Variants in ABCC6 observed in about 807,000 individuals in gnomAD.
The protein encoded by ABCC6 is ATP binding cassette subfamily C member 6, also known as ATP-binding cassette sub-family C member 6.
Under a neutral mutation model 169.5 loss-of-function variants are expected in ABCC6, and 126 were observed. That is an observed-to-expected ratio of 0.74 (90% CI 0.64 to 0.86). The LOEUF is 0.86. ABCC6 is among the 40% of genes least tolerant of loss of function. The pLI, the probability that ABCC6 is intolerant of heterozygous loss-of-function variation, is 0.00. For synonymous variants in ABCC6, 752 were observed against 814.7 expected, an observed-to-expected ratio of 0.92 and a Z score of 1.31; for missense variants, 1,733 against 1,927.2, an observed-to-expected ratio of 0.90 and a Z score of 1.89.
chr16:16,189,994 T>C (rs2047791324), intron 12 of ABCC6, among the ~76,000 whole-genome samples, 170 bp downstream of exon 12: 1 of 151,990 alleles, frequency 6.6e-6, no homozygotes, highest in Admixed American at 6.6e-5. Flanking sequence ...ATAATATGAT[T>C]AATTAGTTCT....
At chr16:16,159,669 G>T in intron 25 of ABCC6, 86 bp from the exon 26 acceptor site, 5 of 1,246,928 alleles carry the variant, frequency 4.0e-6, no homozygotes, top group Non-Finnish European at 4.6e-6. Flanking sequence ...ACCTTTTCTG[G>T]GAGGCCAGAC....
intron 29 of ABCC6, among the ~76,000 whole-genome samples, chr16:16,153,836 G>A (rs1378941977): frequency 6.6e-6 from 1 of 151,152 alleles, no homozygotes; most frequent in African/African-American, 2.4e-5. Context: ...CCTGGGAGGT[G>A]GAGGTTGCAG....
In ABCC6 at chr16:16,214,445, A is replaced by T. The variant is rs2048775492; in HGVS notation, c.479T>A (p.Phe160Tyr). 1 of 1,551,710 alleles carries T rather than the reference A, an allele frequency of 6.4e-7. No homozygotes were observed. Residue 160 changes from phenylalanine to tyrosine, a missense_variant, in exon 5 of 31, where the codon TTC (phenylalanine) becomes TAC (tyrosine). By Grantham distance (22) the Phe-to-Tyr change is conservative. Coordinates refer to ENST00000205557, the MANE Select transcript of ABCC6 (RefSeq NM_001171.6). ...CAGGTGGCGGACAGGGTCGCTCTGG[A>T]AGCCCTGTGGGAGGGAAAGCAGAAG... Reference protein sequence around the residue: ...NAAQQASGAGFQSDPVRHLST... With the variant: ...NAAQQASGAGYQSDPVRHLST...
chr16:16,197,370 A>G (rs542608202), intron 10 of ABCC6, among the ~76,000 whole-genome samples: 1 of 152,114 alleles, frequency 6.6e-6, no homozygotes, highest in East Asian at 1.9e-4. Flanking sequence ...TTCCCATCGT[A>G]TCAGACAATA....
intron 10 of ABCC6, among the ~76,000 whole-genome samples, chr16:16,196,717 T>C (rs950260715): frequency 2.0e-4 from 30 of 152,210 alleles, no homozygotes; most frequent in African/African-American, 7.2e-4. Context: ...TATTTATTTG[T>C]TGGAGACAGA....
At chr16:16,169,597 C>T (rs1274121101) in intron 22 of ABCC6, 49 bp downstream of exon 22, 1 of 1,599,958 alleles carries the variant, frequency 6.3e-7, no homozygotes, top group Non-Finnish European at 8.5e-7. Flanking sequence ...CCTGAGCACC[C>T]CTTGGTGCAG....
In ABCC6 at chr16:16,157,621, G is replaced by A. The variant is rs780710426; in HGVS notation, c.3882+42C>T. The A allele has an allele frequency of 3.7e-6, 6 of 1,613,196 alleles. No individual in the cohort carries two copies. In the East Asian group the frequency reaches 1.3e-4, roughly 36 times the overall value. Reference sequence around the variant, plus strand: ...AGGGCCTTGTCCCTGGAGTCCTTTGGCCTAAACTCCATGAAGAAGACATTG... The same window carrying A: ...AGGGCCTTGTCCCTGGAGTCCTTTGACCTAAACTCCATGAAGAAGACATTG... On this transcript the variant is annotated intron_variant, in intron 27 of 30. Coordinates refer to ENST00000205557, the MANE Select transcript of ABCC6 (RefSeq NM_001171.6).
chr16:16,173,770 C>T lies in ABCC6; in HGVS notation c.2667-366G>A, dbSNP rs997814550. Among the ~76,000 whole-genome samples the T allele has an allele frequency of 1.1e-4, 17 of 151,464 alleles. 2 individuals carry two copies. The highest frequency in any genetic ancestry group is 4.1e-4 in the African/African-American group (17 of 41,240). On this transcript the variant is annotated intron_variant, in intron 20 of 30. Coordinates refer to ENST00000205557, the MANE Select transcript of ABCC6 (RefSeq NM_001171.6). ...TCTCAAACTCCTGAGCTCAAGCAAT[C>T]CACCTGCCTCAGCCTCCCAAAGTGC... is the stretch of plus-strand genomic sequence containing the variant.
At chr16:16,205,107 A>T (rs1360099606) in intron 7 of ABCC6, among the ~76,000 whole-genome samples, 1 of 152,050 alleles carries the variant, frequency 6.6e-6, no homozygotes, top group Non-Finnish European at 1.5e-5. Flanking sequence ...AAGTGCTGGG[A>T]TTACAGGTGT....
At chr16:16,171,963 G>GGTGGGTGGGATGGATAAATGA (rs1236247960) in intron 21 of ABCC6, among the ~76,000 whole-genome samples, 1,434 of 127,484 alleles carry the variant, frequency 0.011, 38 homozygotes, top group East Asian at 0.038. Context: ...TGAGTGGTTG[G>GGTGGGTGGGATGGATAAATGA]GTGGGTGGGA....
chr16:16,222,264 C>A (rs567431114), intron 1 of ABCC6, among the ~76,000 whole-genome samples: 1 of 152,310 alleles, frequency 6.6e-6, no homozygotes, highest in African/African-American at 2.4e-5. Context: ...GGGGAACTGC[C>A]TCCCCCAGGG....
chr16:16,195,303 ATTTTTTTTTTT>A (rs61393724), intron 10 of ABCC6, among the ~76,000 whole-genome samples: 2 of 96,574 alleles, frequency 2.1e-5, no homozygotes, highest in Admixed American at 1.2e-4. Context: ...GTCTCATCTA[ATTTTTTTTTTT>A]TTTTTTTTTT....
chr16:16,176,905 T>A (rs2047295680), intron 19 of ABCC6, among the ~76,000 whole-genome samples: 1 of 152,192 alleles, frequency 6.6e-6, no homozygotes, highest in Non-Finnish European at 1.5e-5. Context: ...TGATGTGCTG[T>A]TAGTTGCTAC....
intron 20 of ABCC6, among the ~76,000 whole-genome samples, chr16:16,174,449 C>T (rs564267968): frequency 5.3e-5 from 8 of 152,254 alleles, no homozygotes; most frequent in African/African-American, 1.9e-4. Flanking sequence ...ATGTGCGGAT[C>T]ATTCTTTGCT....
At chr16:16,194,999 C>A (rs1182951635) in intron 10 of ABCC6, among the ~76,000 whole-genome samples, 6 of 151,996 alleles carry the variant, frequency 3.9e-5, no homozygotes, top group Non-Finnish European at 8.8e-5. Flanking sequence ...TATTTTCTAA[C>A]ATTGGGCCAG....
chr16:16,182,642 A>G, intron 16 of ABCC6, 54 bp from the exon 17 acceptor site: 1 of 1,552,922 alleles, frequency 6.4e-7, no homozygotes, highest in Non-Finnish European at 8.8e-7. Context: ...GAGGTGGGAT[A>G]GGTTTTGAGG....
chr16:16,169,537 C>T (rs1384599861), intron 22 of ABCC6, 109 bp downstream of exon 22: 6 of 1,334,614 alleles, frequency 4.5e-6, no homozygotes, highest in Non-Finnish European at 6.3e-6. Context: ...ACGTTTTGCA[C>T]ACTGTTCCAG....
intron 21 of ABCC6, among the ~76,000 whole-genome samples, chr16:16,170,938 A>G (rs1309671495): frequency 2.6e-5 from 3 of 116,182 alleles, no homozygotes; most frequent in African/African-American, 6.5e-5. Context: ...AAAAAAAAAA[A>G]AAAGAAAGAA....
In ABCC6 at chr16:16,210,491, T is replaced by C. The variant is rs535241784; in HGVS notation, c.663-1632A>G. Among the ~76,000 whole-genome samples the C allele has an allele frequency of 2.0e-5, 3 of 152,342 alleles. No homozygotes were observed. In the South Asian group the frequency reaches 6.2e-4, roughly 32 times the overall value. ...ACTTGGGGAAGCAACCGTTCTGACA[T>C]AGAAATTATTAACGTGGCTTGATTT... On this transcript the variant is annotated intron_variant, in intron 6 of 30. Transcript: ENST00000205557.
Sources: gnomAD v4.1 joint callset for allele counts (sites outside exome capture counted in the v4.1 genomes callset) on GRCh38, gnomAD v4.1.1 for gene constraint, MANE v1.5 for transcripts, NCBI Gene and HGNC (gene_info 2026-07-23, HGNC 2026-07-21) for gene names.